IL1RAPL1: variants seen among roughly 807,000 people sequenced by gnomAD.
The protein encoded by IL1RAPL1 is interleukin-1 receptor accessory protein-like 1.
Under a neutral mutation model 48.4 loss-of-function variants are expected in IL1RAPL1, and 3 were observed. That is an observed-to-expected ratio of 0.06 (90% CI 0.03 to 0.16). IL1RAPL1 has a LOEUF of 0.16. IL1RAPL1 is among the 10% of genes least tolerant of loss of function. IL1RAPL1 has a pLI of 1.00. For missense variants in IL1RAPL1, 349 were observed against 530.6 expected (o/e 0.66, Z 3.36); for synonymous variants, 185 against 187.7 (o/e 0.99, Z 0.12).
chrX:29,383,528 A>C (rs1229434603), intron 3 of IL1RAPL1, among the ~76,000 whole-genome samples: 1 of 112,132 alleles, frequency 8.9e-6, no homozygotes, highest in Admixed American at 9.5e-5. Context: ...TCCTTAATAT[A>C]ATGTCATATT....
intron 6 of IL1RAPL1, among the ~76,000 whole-genome samples, chrX:29,832,948 G>A (rs919509051): frequency 9.0e-6 from 1 of 110,761 alleles, no homozygotes. Context: ...TTAATAAATG[G>A]TGGGGGAAAA....
intron 6 of IL1RAPL1, among the ~76,000 whole-genome samples, chrX:29,826,519 C>T (rs1000474832): frequency 2.7e-5 from 3 of 111,492 alleles, no homozygotes; most frequent in Non-Finnish European, 5.7e-5. Flanking sequence ...AACCCTGTAC[C>T]TATTTGTGGT....
intron 5 of IL1RAPL1, among the ~76,000 whole-genome samples, chrX:29,513,377 CATATT>C (rs1039377757): frequency 1.8e-5 from 2 of 111,719 alleles, no homozygotes; most frequent in African/African-American, 6.5e-5. Flanking sequence ...AGTCTCCTAT[CATATT>C]ATATTATTTT....
rs771277875 is a variant in IL1RAPL1, at chrX:29,855,412, A to G, written c.779-62052A>G. Among the ~76,000 whole-genome samples the G allele has an allele frequency of 8.9e-5, 10 of 111,962 alleles. No homozygotes were observed. In the South Asian group the frequency reaches 3.3e-3, roughly 37 times the overall value. On this transcript the variant is annotated intron_variant, in intron 6 of 10. Coordinates refer to ENST00000378993, the MANE Select transcript of IL1RAPL1 (RefSeq NM_014271.4). ...GACTAATTCTTTTATCTTTAAATAT[A>G]TGCCATTTTTACTGAGATCACACTC...
chrX:29,215,571 TATAAATAGGACAGTTAG>T (rs1263256965), intron 2 of IL1RAPL1, among the ~76,000 whole-genome samples: 2 of 110,885 alleles, frequency 1.8e-5, no homozygotes, highest in Non-Finnish European at 3.8e-5. Flanking sequence ...GGCAGAACAT[TATAAATAGGACAGTTAG>T]GTGAAGAAAA....
chrX:29,118,432 A>T (rs760268835), intron 2 of IL1RAPL1, among the ~76,000 whole-genome samples: 3 of 111,824 alleles, frequency 2.7e-5, no homozygotes, highest in East Asian at 2.8e-4. Flanking sequence ...CTAGAGCTAG[A>T]TTTCTAACCC....
chrX:29,065,466 G>T (rs1308445635), intron 2 of IL1RAPL1, among the ~76,000 whole-genome samples: 2 of 111,687 alleles, frequency 1.8e-5, no homozygotes, highest in Non-Finnish European at 3.8e-5. Context: ...TTTTCTCTTT[G>T]TATTTGGCTC....
At chrX:28,766,873 C>CT (rs568562227) in intron 1 of IL1RAPL1, among the ~76,000 whole-genome samples, 2,693 of 109,989 alleles carry the variant, frequency 0.024, 24 homozygotes, top group Middle Eastern at 0.033. Flanking sequence ...GACAAGATCT[C>CT]TTTTTTTTTA....
At chrX:29,165,713 G>T (rs778615642) in intron 2 of IL1RAPL1, among the ~76,000 whole-genome samples, 1 of 111,676 alleles carries the variant, frequency 9.0e-6, no homozygotes, top group Non-Finnish European at 1.9e-5. Flanking sequence ...TTTCTCTTAC[G>T]CTGTGCTATA....
rs767794572 is a variant in IL1RAPL1 at position 29,919,419 on chromosome X, T to C, written c.912-530T>C. On this transcript the variant is annotated intron_variant, in intron 7 of 10. Transcript: ENST00000378993. ...CATTAATTTTAATGTCAGAGTTAAA[T>C]ACTTCACCAGAACTTTTAGTCTACA... Among the ~76,000 whole-genome samples the C allele has an allele frequency of 2.7e-5, 3 of 112,440 alleles. No homozygotes were observed. In the East Asian group the frequency reaches 8.3e-4, roughly 31 times the overall value.
At chrX:29,939,886 G>A (rs113393420) in intron 8 of IL1RAPL1, among the ~76,000 whole-genome samples, 2 of 92,809 alleles carry the variant, frequency 2.2e-5, no homozygotes, top group African/African-American at 4.5e-5. Flanking sequence ...TTTTTGAGAC[G>A]GAGTCTCGTT....
chrX:29,508,304 G>A (rs1440331125), intron 5 of IL1RAPL1, among the ~76,000 whole-genome samples: 1 of 111,493 alleles, frequency 9.0e-6, no homozygotes, highest in Non-Finnish European at 1.9e-5. Context: ...TGAGTCTCAT[G>A]TGAACTGTTA....
At chrX:28,992,604 G>A (rs1027816596) in intron 2 of IL1RAPL1, among the ~76,000 whole-genome samples, 1 of 109,937 alleles carries the variant, frequency 9.1e-6, no homozygotes, top group Admixed American at 9.7e-5. Context: ...ATATTCCTTG[G>A]CAATTTTATT....
intron 2 of IL1RAPL1, among the ~76,000 whole-genome samples, chrX:28,873,584 T>G (rs1601940021): frequency 1.1e-5 from 1 of 94,557 alleles, no homozygotes; most frequent in Admixed American, 1.2e-4. Context: ...CAGGCTGGAG[T>G]GCAGTGGCTC....
intron 1 of IL1RAPL1, among the ~76,000 whole-genome samples, chrX:28,719,396 G>A (rs1935541910): frequency 9.0e-6 from 1 of 111,178 alleles, no homozygotes; most frequent in African/African-American, 3.3e-5. Context: ...ATGTGTTAGG[G>A]TTGGGAATAA....
intron 5 of IL1RAPL1, among the ~76,000 whole-genome samples, chrX:29,437,919 C>G (rs1934500510): frequency 9.0e-6 from 1 of 110,964 alleles, no homozygotes; most frequent in African/African-American, 3.3e-5. Context: ...ATTCCATCTT[C>G]TCTTTTGGAG....
intron 5 of IL1RAPL1, among the ~76,000 whole-genome samples, chrX:29,406,576 T>C (rs973259518): frequency 3.6e-5 from 4 of 111,639 alleles, no homozygotes; most frequent in Non-Finnish European, 7.5e-5. Context: ...TTTGCGGGTT[T>C]TTGCCCTGGA....
At chrX:28,903,132 T>C (rs1923122423) in intron 2 of IL1RAPL1, among the ~76,000 whole-genome samples, 1 of 111,075 alleles carries the variant, frequency 9.0e-6, no homozygotes, top group African/African-American at 3.3e-5. Flanking sequence ...GTTTGTTTGT[T>C]TTTTTGAGAT....
chrX:29,903,183 T>TGTGTGA (rs1467570277), intron 6 of IL1RAPL1, among the ~76,000 whole-genome samples: 2 of 93,016 alleles, frequency 2.2e-5, no homozygotes, highest in African/African-American at 7.4e-5. Flanking sequence ...TGTGTGTGTG[T>TGTGTGA]GAGAGAGAGA....
Sources: allele counts gnomAD v4.1 joint callset (sites outside exome capture counted in the v4.1 genomes callset), GRCh38; gene constraint gnomAD v4.1.1; transcripts MANE v1.5; gene names NCBI Gene and HGNC (gene_info 2026-07-23, HGNC 2026-07-21).